SLC36A4: variants seen among roughly 807,000 people sequenced by gnomAD.
SLC36A4 encodes neutral amino acid uniporter 4.
A neutral mutation model predicts 50.5 loss-of-function variants in SLC36A4; 49 were observed. The observed-to-expected ratio is 0.97, with a 90% confidence interval of 0.77 to 1.23. The LOEUF is 1.23. Ranked by LOEUF, SLC36A4 falls within the 50% of genes most tolerant of loss-of-function variation. The pLI is 0.00. For synonymous variants in SLC36A4, 207 were observed against 206.5 expected, an observed-to-expected ratio of 1.00 and a Z score of -0.02; for missense variants, 611 against 608.4, an observed-to-expected ratio of 1.00 and a Z score of -0.05.
chr11:93,194,510 A>T (rs1379337749), intron 1 of SLC36A4, among the ~76,000 whole-genome samples: 2 of 152,200 alleles, frequency 1.3e-5, no homozygotes, highest in African/African-American at 2.4e-5. Context: ...AGCTATTTAC[A>T]TACCTTACGA....
chr11:93,196,133 A>G (rs983223826), intron 1 of SLC36A4, among the ~76,000 whole-genome samples: 11 of 152,224 alleles, frequency 7.2e-5, no homozygotes, highest in African/African-American at 2.2e-4. Flanking sequence ...AAAAACTGAA[A>G]TAATTTGAAA....
chr11:93,183,450 G>C (rs925272329), intron 3 of SLC36A4, among the ~76,000 whole-genome samples: 8 of 152,054 alleles, frequency 5.3e-5, no homozygotes, highest in Middle Eastern at 3.2e-3. Flanking sequence ...TATTGCCAAA[G>C]TTTATTTTTA....
At chr11:93,172,512 T>C (rs1246014437) in intron 6 of SLC36A4, among the ~76,000 whole-genome samples, 4 of 151,472 alleles carry the variant, frequency 2.6e-5, no homozygotes, top group Admixed American at 6.6e-5. Flanking sequence ...TAGTTACATA[T>C]TTATACATGT....
rs1400563861 is a variant in SLC36A4, at chr11:93,148,396, G to A, written c.*141C>T. 2.6e-6 allele frequency: 2 copies of A among 777,930 alleles called. No homozygotes were observed. The highest frequency in any genetic ancestry group is 4.1e-6 in the Non-Finnish European group (2 of 482,022). The allele number at this position is 777,930 out of a possible 1,614,324, so 48.2% of individuals were successfully genotyped here. On this transcript the variant is annotated 3_prime_UTR_variant, in exon 11 of 11. Coordinates refer to ENST00000326402, the MANE Select transcript of SLC36A4 (RefSeq NM_152313.4). Reference sequence around the variant, plus strand: ...TTTACCACTACTGGTAAAGAGTTATGATTACTTCCAAAATATTAATATCGT... The same window carrying A: ...TTTACCACTACTGGTAAAGAGTTATAATTACTTCCAAAATATTAATATCGT...
rs1861054319 is a variant in SLC36A4 at position 93,169,952 on chromosome 11, A to C, written c.541-1781T>G. ...ACTGGCAAGAGAAAAGCAGTAATATAACCAATATTTTAAAGGGCTGTTTTA... is the reference window on the plus strand; with the variant it reads ...ACTGGCAAGAGAAAAGCAGTAATATCACCAATATTTTAAAGGGCTGTTTTA... On this transcript the variant is annotated intron_variant, in intron 6 of 10. Transcript: ENST00000326402. 1.3e-5 allele frequency among the ~76,000 whole-genome samples: 2 copies of C among 152,080 alleles called. 1 individual carries two copies. The highest frequency in any genetic ancestry group is 4.1e-4 in the South Asian group (2 of 4,834).
At position 93,160,736 on chromosome 11, in the gene SLC36A4, G is replaced by A. The variant is rs373173512; in HGVS notation, c.1037+1970C>T. 26 of 983,224 alleles carry A rather than the reference G, an allele frequency of 2.6e-5. No homozygotes were observed. In the East Asian group the frequency reaches 2.4e-3, roughly 90 times the overall value. The allele number at this position is 983,224 out of a possible 1,614,324, so 60.9% of individuals were successfully genotyped here. On this transcript the variant is annotated intron_variant, in intron 9 of 10. Coordinates refer to ENST00000326402, the MANE Select transcript of SLC36A4 (RefSeq NM_152313.4). ...CTTACATGCTTTTGTAAATAAGACCGGGAAAGAATTTTGACATTATTTCCA... is the reference window on the plus strand; with the variant it reads ...CTTACATGCTTTTGTAAATAAGACCAGGAAAGAATTTTGACATTATTTCCA...
chr11:93,197,060 T>C (rs1484334006), intron 1 of SLC36A4: 1 of 152,238 alleles, frequency 6.6e-6, no homozygotes, highest in South Asian at 2.1e-4. Flanking sequence ...TTTTTTAAAG[T>C]TCAACGGTTT....
intron 6 of SLC36A4, among the ~76,000 whole-genome samples, chr11:93,173,484 C>T (rs1456321856): frequency 6.7e-6 from 1 of 149,504 alleles, no homozygotes; most frequent in African/African-American, 2.5e-5. Flanking sequence ...TCTTTTGTTG[C>T]CATTGCTTTT....
chr11:93,156,146 C>T (rs1031446053), intron 9 of SLC36A4, among the ~76,000 whole-genome samples: 1 of 152,176 alleles, frequency 6.6e-6, no homozygotes, highest in Admixed American at 6.5e-5. Context: ...TTTGAGGCAT[C>T]GCCACACTGT....
chr11:93,154,188 G>A lies in SLC36A4; in HGVS notation c.1127C>T (p.Pro376Leu). 6.4e-7 allele frequency: 1 copy of A among 1,565,940 alleles called. No individual in the cohort carries two copies. The highest frequency in any genetic ancestry group is 8.6e-7 in the Non-Finnish European group (1 of 1,159,686). ...AGTATGAAATTTGGATGTGATCCCA[G>A]GGATAATGATCTCTGCTGGAACATA... Reference protein sequence around the residue: ...QFYVPAEIIIPGITSKFHTKW... With the variant: ...QFYVPAEIIILGITSKFHTKW... Residue 376 changes from proline to leucine, a missense_variant, in exon 10 of 11, where the codon CCT becomes CTT. Transcript: ENST00000326402.
rs2134656669 is a variant in SLC36A4, at chr11:93,166,260, A to C, written c.769-244T>G. ...ATTCCATCTGAGCAAAATGCTCCTG[A>C]TTACCTGCTTCCACCTGCAAGTCCC... On this transcript the variant is annotated intron_variant, in intron 7 of 10. Coordinates refer to ENST00000326402, the MANE Select transcript of SLC36A4 (RefSeq NM_152313.4). The C allele has an allele frequency of 2.5e-6, 3 of 1,202,094 alleles. No homozygotes were observed. In the East Asian group the frequency reaches 1.2e-4, roughly 47 times the overall value. 74.5% of individuals were successfully genotyped at this position (1,202,094 alleles called of 1,614,324 possible).
At chr11:93,185,325 A>T (rs930707573) in intron 2 of SLC36A4, 6 of 160,576 alleles carry the variant, frequency 3.7e-5, no homozygotes, top group Non-Finnish European at 2.7e-5. Context: ...ACAAAATGTC[A>T]AAAAAGGTTT....
intron 1 of SLC36A4, among the ~76,000 whole-genome samples, chr11:93,190,823 C>T (rs1228419393): frequency 6.6e-6 from 1 of 152,126 alleles, no homozygotes; most frequent in Non-Finnish European, 1.5e-5. Context: ...ACCTCCGCCT[C>T]CCAGTAAATA....
chr11:93,171,523 C>G lies in SLC36A4; in HGVS notation c.541-3352G>C, dbSNP rs531022884. The G allele has an allele frequency of 6.8e-4, 104 of 152,148 alleles. 1 individual carries two copies. Among genetic ancestry groups the G allele is most frequent in the Middle Eastern group, 3.4e-3 (1 of 294 alleles). 9.4% of individuals were successfully genotyped at this position (152,148 alleles called of 1,614,324 possible). A position where few individuals can be genotyped will look rare whatever the true frequency, so the allele number is the denominator to read the frequency against. ...ACTGCGTTCTCATCCATAAAATGAGCATAGTACTTACTTTACAGAGTAGTT... is the reference window on the plus strand; with the variant it reads ...ACTGCGTTCTCATCCATAAAATGAGGATAGTACTTACTTTACAGAGTAGTT... On this transcript the variant is annotated intron_variant, in intron 6 of 10. Coordinates refer to ENST00000326402, the MANE Select transcript of SLC36A4 (RefSeq NM_152313.4).
In SLC36A4 at chr11:93,185,808, T is replaced by G; in HGVS notation, c.62A>C (p.Asp21Ala). Residue 21 changes from aspartate (D) to alanine (A), a missense_variant, in exon 2 of 11, where the codon GAT becomes GCT. Transcript: ENST00000326402. ...GAARREELDM[D>A]VMRPLINEQN... ...CTCATTTATCAAGGGCCTCATTACA[T>G]CCATATCTTTAAAAAAGAAAAACAA... The G allele has an allele frequency of 6.3e-7, 1 of 1,581,010 alleles. No individual in the cohort carries two copies. The highest frequency in any genetic ancestry group is 1.2e-5 in the South Asian group (1 of 85,272).
intron 1 of SLC36A4, among the ~76,000 whole-genome samples, chr11:93,186,527 T>G (rs1176293451): frequency 2.0e-5 from 3 of 152,148 alleles, no homozygotes; most frequent in Non-Finnish European, 1.5e-5. Context: ...CTTACTTAAT[T>G]TTTTACTATC....
chr11:93,176,578 A>G (rs991969416), intron 6 of SLC36A4, among the ~76,000 whole-genome samples: 48 of 152,014 alleles, frequency 3.2e-4, no homozygotes, highest in South Asian at 8.3e-4. Context: ...ATTTTGCAGC[A>G]GCTGGTACCG....
At chr11:93,160,335 T>G in intron 9 of SLC36A4, 1 of 985,442 alleles carries the variant, frequency 1.0e-6, no homozygotes, top group South Asian at 4.7e-5. Flanking sequence ...TCCAGATTTT[T>G]GTTGTTTCTT....
chr11:93,175,440 T>C (rs1439746677), intron 6 of SLC36A4, among the ~76,000 whole-genome samples: 3 of 151,370 alleles, frequency 2.0e-5, no homozygotes, highest in Non-Finnish European at 4.4e-5. Context: ...TTTGTGTCTC[T>C]ATTTCCTTCA....
Sources: allele counts gnomAD v4.1 joint callset (sites outside exome capture counted in the v4.1 genomes callset), GRCh38; gene constraint gnomAD v4.1.1; transcripts MANE v1.5; gene names NCBI Gene and HGNC (gene_info 2026-07-23, HGNC 2026-07-21).